The following B3GALNT2 variants were observed in gnomAD, a reference collection of about 807,000 sequenced individuals.
B3GALNT2 encodes the protein UDP-GalNAc:beta-1,3-N-acetylgalactosaminyltransferase 2.
Under a neutral mutation model 61.1 loss-of-function variants are expected in B3GALNT2, and 53 were observed. That is an observed-to-expected ratio of 0.87 (90% confidence interval 0.70 to 1.09). The LOEUF (loss-of-function observed/expected upper bound fraction) is 1.09. Among genes scored for constraint, B3GALNT2 ranks in the 50% least tolerant of loss-of-function variants. The pLI, the probability that B3GALNT2 is intolerant of heterozygous loss-of-function variation, is 0.00. For missense variants in B3GALNT2, 544 were observed against 623.0 expected (o/e 0.87, Z 1.35); for synonymous variants, 223 against 237.4 (o/e 0.94, Z 0.56).
intron 8 of B3GALNT2, 28 bp downstream of exon 8, chr1:235,458,575 C>T (rs1683273206): frequency 1.6e-5 from 25 of 1,548,236 alleles, no homozygotes; most frequent in Non-Finnish European, 2.1e-5. Flanking sequence ...AAAACAAGTT[C>T]TAGCTACCCA....
In B3GALNT2 at chr1:235,480,059, G is replaced by C. The variant is rs757958517; in HGVS notation, c.646C>G (p.Pro216Ala). 6.2e-7 allele frequency: 1 copy of C among 1,613,676 alleles called. No individual in the cohort carries two copies. Among genetic ancestry groups the C allele is most frequent in the Non-Finnish European group, 8.5e-7 (1 of 1,179,804 alleles). Residue 216 changes from proline to alanine, a missense_variant, in exon 5 of 12, where the codon CCA (proline) becomes GCA (alanine). By Grantham distance (27) the Pro-to-Ala change is conservative. Coordinates refer to ENST00000366600, the MANE Select transcript of B3GALNT2 (RefSeq NM_152490.5). ...WYKPVEQFIL[P>A]ESFEGTIVWE... ...CTTTTCCTGCCATCCTGTACCTCTG[G>C]TAAGATGAATTGTTCCACGGGCTTG...
At chr1:235,440,483 C>G in the B3GALNT2 span, among the ~76,000 whole-genome samples, 1,291 of 152,142 alleles carry the variant, frequency 8.5e-3, 15 homozygotes, top group African/African-American at 0.03. Context: ...ACCTCTACCT[C>G]CTGGGTTCAA....
At chr1:235,474,987 A>ATATATATT (rs1180244284) in intron 5 of B3GALNT2, among the ~76,000 whole-genome samples, 21 of 35,572 alleles carry the variant, frequency 5.9e-4, no homozygotes, top group Admixed American at 1.5e-3. Flanking sequence ...ATATATATAT[A>ATATATATT]TTTTTTTTTT....
chr1:235,469,257 G>C (rs1292303376), intron 6 of B3GALNT2, among the ~76,000 whole-genome samples: 2 of 152,178 alleles, frequency 1.3e-5, no homozygotes, highest in Non-Finnish European at 2.9e-5. Context: ...CCATGTAAAT[G>C]AGGTTAATAT....
At position 235,465,706 on chromosome 1, in the gene B3GALNT2, C is replaced by A. The variant is rs1347856391; in HGVS notation, c.771G>T (p.Glu257Asp). 1 of 1,613,974 alleles carries A rather than the reference C, an allele frequency of 6.2e-7. No individual in the cohort carries two copies. Among genetic ancestry groups the A allele is most frequent in the Non-Finnish European group, 8.5e-7 (1 of 1,179,980 alleles). ...GGVLRVITAGEGALPHEFLEG... is the reference protein window; with the variant it reads ...GGVLRVITAGDGALPHEFLEG... Reference sequence around the variant, plus strand: ...CCAAGAATTCATGAGGCAATGCACCCTCCCCAGCCTGAAAGGAATAAGAAT... The same window carrying A: ...CCAAGAATTCATGAGGCAATGCACCATCCCCAGCCTGAAAGGAATAAGAAT... Residue 257 changes from glutamate to aspartate, a missense_variant, in exon 7 of 12, where the codon GAG becomes GAT. Physicochemically the swap from Glu to Asp is conservative, Grantham distance 45. Transcript: ENST00000366600.
At position 235,489,183 on chromosome 1, in the gene B3GALNT2, T is replaced by G; in HGVS notation, c.346A>C (p.Asn116His). The G allele has an allele frequency of 5.6e-6, 9 of 1,613,932 alleles. No homozygotes were observed. Among genetic ancestry groups the G allele is most frequent in the Non-Finnish European group, 5.9e-6 (7 of 1,179,914 alleles). The part of the protein sequence containing the change: ...REDPYSCKLL[N>H]ITNPVLNQEI... Reference sequence around the variant, plus strand: ...GATGACTTACCTGGATTTGTGATGTTGAGTAGTTTACAGGAATAAGGATCC... The same window carrying G: ...GATGACTTACCTGGATTTGTGATGTGGAGTAGTTTACAGGAATAAGGATCC... The change falls in exon 3 of 12, where the codon AAC becomes CAC. Residue 116 changes from asparagine (N) to histidine (H), a missense_variant. By Grantham distance (68) the Asn-to-His change is moderately conservative. Transcript: ENST00000366600.
intron 6 of B3GALNT2, among the ~76,000 whole-genome samples, chr1:235,467,889 C>G (rs1284288453): frequency 6.6e-6 from 1 of 151,972 alleles, no homozygotes; most frequent in Admixed American, 6.6e-5. Context: ...AAGTGATTCT[C>G]CTTTCTCAGC....
rs1209289522 is a variant in B3GALNT2 at position 235,489,147 on chromosome 1, TCAAG to T, written c.361+17_361+20del. 6.2e-7 allele frequency: 1 copy of T among 1,612,842 alleles called. No individual in the cohort carries two copies. Among genetic ancestry groups the T allele is most frequent in the Admixed American group, 1.7e-5 (1 of 59,856 alleles). ...TCAACATCAAGCTTGTGTATGGCAG[TCAAG>T]GGAAAAGATGACTTACCTGGATTTG... On this transcript the variant is annotated intron_variant, in intron 3 of 11. Coordinates refer to ENST00000366600, the MANE Select transcript of B3GALNT2 (RefSeq NM_152490.5).
chr1:235,476,096 T>C (rs1684265034), intron 5 of B3GALNT2, among the ~76,000 whole-genome samples: 1 of 152,174 alleles, frequency 6.6e-6, no homozygotes, highest in Non-Finnish European at 1.5e-5. Flanking sequence ...AAGGCTATAG[T>C]CATTAAAACT....
At chr1:235,476,550 C>G (rs1230065018) in intron 5 of B3GALNT2, among the ~76,000 whole-genome samples, 2 of 151,080 alleles carry the variant, frequency 1.3e-5, no homozygotes, top group Non-Finnish European at 3.0e-5. Flanking sequence ...CCCATCTGTA[C>G]AAGAAATAAA....
At chr1:235,490,542 AC>A (rs940951093) in intron 2 of B3GALNT2, among the ~76,000 whole-genome samples, 7 of 151,830 alleles carry the variant, frequency 4.6e-5, no homozygotes, top group Non-Finnish European at 8.8e-5. Context: ...TGAATTAGTA[AC>A]TCTAGTTTAG....
At chr1:235,474,966 TATATA>T (rs1684178475) in intron 5 of B3GALNT2, among the ~76,000 whole-genome samples, 1 of 25,962 alleles carries the variant, frequency 3.9e-5, no homozygotes, top group African/African-American at 2.3e-4. Flanking sequence ...TATATATATA[TATATA>T]TATATATATA....
chr1:235,474,369 C>G (rs577829975), intron 5 of B3GALNT2, among the ~76,000 whole-genome samples: 2 of 152,314 alleles, frequency 1.3e-5, no homozygotes, highest in South Asian at 4.1e-4. Context: ...GTCTGTAACT[C>G]CTTTCACGCA....
chr1:235,478,043 C>T (rs538403484), intron 5 of B3GALNT2, among the ~76,000 whole-genome samples: 1 of 152,194 alleles, frequency 6.6e-6, no homozygotes, highest in Non-Finnish European at 1.5e-5. Flanking sequence ...TGAGATCCAA[C>T]ACTATGTATC....
rs368068535 is a variant in B3GALNT2 at position 235,470,913 on chromosome 1, A to G, written c.699T>C (p.Leu233=). The change falls in exon 6 of 12, where the codon CTT becomes CTC. Residue 233 remains leucine, a synonymous_variant. Transcript: ENST00000366600. ...TCACTTTGTGGAGATTTCTTGACAC[A>G]AGGCCGTGGAGGTCTTGGCTCTCCC... The part of the protein sequence containing the change: ...IVWESQDLHG[L]VSRNLHKVTV... The G allele has an allele frequency of 1.5e-5, 24 of 1,614,000 alleles. No individual in the cohort carries two copies. The highest frequency in any genetic ancestry group is 3.3e-5 in the Admixed American group (2 of 60,000).
At chr1:235,481,041 C>T (rs759719794) in intron 4 of B3GALNT2, among the ~76,000 whole-genome samples, 2 of 148,340 alleles carry the variant, frequency 1.3e-5, no homozygotes, top group Non-Finnish European at 3.0e-5. Flanking sequence ...TATATACCAA[C>T]TTAACCATAG....
intron 6 of B3GALNT2, 62 bp downstream of exon 6, chr1:235,470,788 C>T (rs1343448117): frequency 2.0e-6 from 3 of 1,535,802 alleles, no homozygotes; most frequent in Non-Finnish European, 2.6e-6. Context: ...AATTTTAGAA[C>T]AATTTTATAT....
chr1:235,449,994 TAAAA>T lies in B3GALNT2; in HGVS notation c.*208_*211del. The T allele has an allele frequency of 4.6e-6, 2 of 433,420 alleles. No homozygotes were observed. Among genetic ancestry groups the T allele is most frequent in the Non-Finnish European group, 8.0e-6 (2 of 250,762 alleles). 26.8% of individuals were successfully genotyped at this position (433,420 alleles called of 1,614,324 possible). ...TTCTGATAATCTTCCAATAGATAAA[TAAAA>T]ACTTTTCTTATGCTACAGTACAAGT... On this transcript the variant is annotated 3_prime_UTR_variant, in exon 12 of 12. Coordinates refer to ENST00000366600, the MANE Select transcript of B3GALNT2 (RefSeq NM_152490.5).
intron 7 of B3GALNT2, chr1:235,464,315 C>T (rs527391173): frequency 3.5e-4 from 40 of 113,840 alleles, no homozygotes; most frequent in African/African-American, 1.1e-3. Flanking sequence ...ATATAAAGAA[C>T]TCTTACAATT....
Sources: gnomAD v4.1 joint callset for allele counts (sites outside exome capture counted in the v4.1 genomes callset) on GRCh38, gnomAD v4.1.1 for gene constraint, MANE v1.5 for transcripts, NCBI Gene and HGNC (gene_info 2026-07-23, HGNC 2026-07-21) for gene names.